Variants in ERBB4 observed in about 807,000 individuals in gnomAD.
ERBB4 encodes the protein erb-b2 receptor tyrosine kinase 4.
ERBB4 carries 42 observed loss-of-function variants against 158.0 expected under a neutral mutation model. That is an observed-to-expected ratio of 0.27 (90% CI 0.21 to 0.34). ERBB4 has a LOEUF of 0.34. Ranked by LOEUF, ERBB4 falls within the 10% of genes least tolerant of loss-of-function variation. The pLI is 1.00. For missense variants in ERBB4, 1,333 were observed against 1,624.1 expected, an observed-to-expected ratio of 0.82 and a Z score of 3.08; for synonymous variants, 583 against 558.7, an observed-to-expected ratio of 1.04 and a Z score of -0.61.
intron 2 of ERBB4, among the ~76,000 whole-genome samples, chr2:211,972,398 A>C (rs564102080): frequency 6.6e-6 from 1 of 152,334 alleles, no homozygotes; most frequent in East Asian, 1.9e-4. Flanking sequence ...AATTAGAGAA[A>C]ACTATTTTAA....
At chr2:212,117,626 C>T (rs1020615235) in intron 2 of ERBB4, among the ~76,000 whole-genome samples, 1 of 152,144 alleles carries the variant, frequency 6.6e-6, no homozygotes, top group Non-Finnish European at 1.5e-5. Flanking sequence ...AGGAACTATA[C>T]AGTCAGATCA....
chr2:211,689,670 A>C (rs66619217), intron 12 of ERBB4, among the ~76,000 whole-genome samples: 29,703 of 152,120 alleles, frequency 0.2, 3,455 homozygotes, highest in African/African-American at 0.3. Flanking sequence ...AAAAGTAGCA[A>C]AGATCAATTA....
intron 1 of ERBB4, among the ~76,000 whole-genome samples, chr2:212,235,880 G>A (rs1440345609): frequency 2.6e-5 from 4 of 152,106 alleles, no homozygotes; most frequent in South Asian, 2.1e-4. Context: ...TGACACGAAG[G>A]CGTTTTCTAA....
chr2:212,273,118 C>T (rs1362566112), intron 1 of ERBB4, among the ~76,000 whole-genome samples: 1 of 151,618 alleles, frequency 6.6e-6, no homozygotes, highest in Non-Finnish European at 1.5e-5. Flanking sequence ...CTTTCTTTCA[C>T]CATTTCTGGA....
chr2:211,531,163 T>A (rs937685190), intron 20 of ERBB4, among the ~76,000 whole-genome samples: 2 of 152,008 alleles, frequency 1.3e-5, no homozygotes, highest in Non-Finnish European at 2.9e-5. Context: ...AAAATCAAAT[T>A]TTACAGTGGA....
intron 16 of ERBB4, among the ~76,000 whole-genome samples, chr2:211,657,275 G>A (rs4362498): frequency 3.7e-4 from 56 of 152,164 alleles, no homozygotes; most frequent in East Asian, 2.5e-3. Flanking sequence ...TTGGGAGGCC[G>A]AGGCAGGCAG....
At chr2:211,912,437 A>G (rs2079563094) in intron 3 of ERBB4, among the ~76,000 whole-genome samples, 1 of 152,144 alleles carries the variant, frequency 6.6e-6, no homozygotes, top group South Asian at 2.1e-4. Flanking sequence ...ACTTGATTTA[A>G]TCATACCATA....
intron 1 of ERBB4, among the ~76,000 whole-genome samples, chr2:212,382,852 T>C (rs186206912): frequency 2.6e-5 from 4 of 151,426 alleles, no homozygotes; most frequent in Admixed American, 2.0e-4. Flanking sequence ...TACTCTTCTT[T>C]TGTGAATTTT....
intron 3 of ERBB4, among the ~76,000 whole-genome samples, chr2:211,825,895 A>AAT (rs1160182403): frequency 1.4e-5 from 2 of 147,572 alleles, no homozygotes; most frequent in Admixed American, 1.4e-4. Flanking sequence ...TATATTATAT[A>AAT]ATATATATAG....
intron 2 of ERBB4, among the ~76,000 whole-genome samples, chr2:212,014,564 T>C (rs918566243): frequency 6.6e-6 from 1 of 152,186 alleles, no homozygotes; most frequent in African/African-American, 2.4e-5. Context: ...CATTTAGATA[T>C]CTGTTATCTT....
intron 1 of ERBB4, among the ~76,000 whole-genome samples, chr2:212,336,589 A>G (rs983957838): frequency 2.0e-5 from 3 of 152,086 alleles, no homozygotes; most frequent in African/African-American, 7.2e-5. Flanking sequence ...TGATAGCCCG[A>G]AATCACAGAC....
chr2:212,317,926 C>G (rs1311957550), intron 1 of ERBB4, among the ~76,000 whole-genome samples: 1 of 151,526 alleles, frequency 6.6e-6, no homozygotes, highest in African/African-American at 2.4e-5. Context: ...CAAAACTTAT[C>G]TTTTCAAAAT....
intron 3 of ERBB4, among the ~76,000 whole-genome samples, chr2:211,816,367 C>A (rs960056681): frequency 6.6e-6 from 1 of 151,062 alleles, no homozygotes; most frequent in South Asian, 2.1e-4. Flanking sequence ...ATGATGAAAC[C>A]CCGTCTCTAC....
At chr2:212,538,399 C>A (rs1329894687) in intron 1 of ERBB4, 50 bp downstream of exon 1, 5 of 1,545,340 alleles carry the variant, frequency 3.2e-6, no homozygotes, top group Non-Finnish European at 3.6e-6. Context: ...CTCGAGGCAG[C>A]CCCGCCGGCG....
At chr2:212,353,468 AC>A (rs1422014775) in intron 1 of ERBB4, among the ~76,000 whole-genome samples, 1 of 149,896 alleles carries the variant, frequency 6.7e-6, no homozygotes, top group Non-Finnish European at 1.5e-5. Context: ...TATAATATAT[AC>A]ATATATAAAA....
chr2:212,258,507 AAT>A (rs897541152), intron 1 of ERBB4, among the ~76,000 whole-genome samples: 1 of 151,250 alleles, frequency 6.6e-6, no homozygotes, highest in African/African-American at 2.4e-5. Flanking sequence ...ACGCTAAAAT[AAT>A]ATGTTTTAAA....
intron 1 of ERBB4, among the ~76,000 whole-genome samples, chr2:212,221,698 T>C (rs2083295779): frequency 6.6e-6 from 1 of 151,510 alleles, no homozygotes; most frequent in African/African-American, 2.4e-5. Flanking sequence ...TTGAAAATCT[T>C]ATCCTAAATT....
intron 2 of ERBB4, among the ~76,000 whole-genome samples, chr2:211,999,791 T>C (rs1436033116): frequency 6.6e-6 from 1 of 151,776 alleles, no homozygotes; most frequent in Non-Finnish European, 1.5e-5. Context: ...ATATTTTAGG[T>C]TTAAAACCAT....
chr2:211,956,643 A>C (rs575192336), intron 2 of ERBB4, among the ~76,000 whole-genome samples: 39 of 152,286 alleles, frequency 2.6e-4, no homozygotes, highest in African/African-American at 8.4e-4. Context: ...TATTATAATT[A>C]GTGCAATTAT....
Sources: allele counts gnomAD v4.1 joint callset (sites outside exome capture counted in the v4.1 genomes callset), GRCh38; gene constraint gnomAD v4.1.1; transcripts MANE v1.5; gene names NCBI Gene and HGNC (gene_info 2026-07-23, HGNC 2026-07-21).